Variants in WDR75 observed in about 807,000 individuals in gnomAD.
WDR75 encodes the protein WD repeat domain 75.
In WDR75, 52 loss-of-function variants were observed where a neutral mutation model predicts 106.1. The observed-to-expected ratio is 0.49, with a 90% confidence interval of 0.39 to 0.62. The LOEUF is 0.62. Ranked by LOEUF, WDR75 falls within the 20% of genes least tolerant of loss-of-function variation. The probability of loss-of-function intolerance (pLI) is 0.00; values close to 1 mark genes in which losing one functional copy is unlikely to be tolerated. For missense variants in WDR75, 905 were observed against 970.3 expected (o/e 0.93, Z 0.89); for synonymous variants, 333 against 335.5 (o/e 0.99, Z 0.08).
rs1455457033 is a variant in WDR75, at chr2:189,462,521, T to C, written c.816T>C (p.Leu272=). ...SLLSGGRESV[L]VEWRDATEKN... The stretch of plus-strand genomic sequence containing the variant: ...TGAGTGGCGGTCGTGAATCTGTACT[T>C]GTAGAGTGGCGCGATGCAACAGAGA... Residue 272 remains leucine, a synonymous_variant, in exon 9 of 21, where the codon CTT becomes CTC. Transcript: ENST00000314761. 2 of 1,614,110 alleles carry C rather than the reference T, an allele frequency of 1.2e-6. No homozygotes were observed. Among genetic ancestry groups the C allele is most frequent in the Admixed American group, 3.3e-5 (2 of 60,004 alleles).
chr2:189,470,995 A>G (rs895478543), intron 18 of WDR75, 117 bp downstream of exon 18: 33 of 662,564 alleles, frequency 5.0e-5, no homozygotes, highest in Non-Finnish European at 7.4e-5. Flanking sequence ...ATTAAAAGCC[A>G]TATACTTATA....
At chr2:189,463,267 C>A (rs539565488) in intron 9 of WDR75, among the ~76,000 whole-genome samples, 1 of 152,236 alleles carries the variant, frequency 6.6e-6, no homozygotes, top group African/African-American at 2.4e-5. Context: ...ATAGGCACAA[C>A]TGATAAAAAC....
At position 189,459,326 on chromosome 2, in the gene WDR75, T is replaced by C; in HGVS notation, c.690-10T>C. 2 of 1,598,208 alleles carry C rather than the reference T, an allele frequency of 1.3e-6. No homozygotes were observed. Among genetic ancestry groups the C allele is most frequent in the Non-Finnish European group, 1.7e-6 (2 of 1,172,686 alleles). The stretch of plus-strand genomic sequence containing the variant: ...ATGGTCAAAATAAGAGTTTTATCTT[T>C]CTCCAATAGGAGGAATTTTTATGAT... On this transcript the variant is annotated splice_polypyrimidine_tract_variant and intron_variant, in intron 7 of 20. Coordinates refer to ENST00000314761, the MANE Select transcript of WDR75 (RefSeq NM_032168.3).
rs1687179088 is a variant in WDR75 at position 189,474,752 on chromosome 2, T to C, written c.2232T>C (p.Ala744=). 1.2e-6 allele frequency: 2 copies of C among 1,614,130 alleles called. No homozygotes were observed. Among genetic ancestry groups the C allele is most frequent in the Non-Finnish European group, 1.7e-6 (2 of 1,179,982 alleles). ...CTCCAGCCCATGTCCTGCCATCTGC[T>C]GCTTTCCTGTGCTCCATGTTTGTAA... The part of the protein sequence containing the change: ...LHTPAHVLPS[A]AFLCSMFVNS... The change falls in exon 20 of 21, where the codon GCT becomes GCC. Residue 744 remains alanine (A), a synonymous_variant. Transcript: ENST00000314761.
At chr2:189,474,144 C>CT (rs772990987) in intron 18 of WDR75, 42 bp from the exon 19 acceptor site, 14 of 1,580,736 alleles carry the variant, frequency 8.9e-6, no homozygotes, top group South Asian at 7.1e-5. Flanking sequence ...ACAGTTCTTC[C>CT]TTTTTTCTGA....
intron 12 of WDR75, among the ~76,000 whole-genome samples, chr2:189,465,461 TAAAG>T (rs1686981735): frequency 6.6e-6 from 1 of 152,086 alleles, no homozygotes; most frequent in Non-Finnish European, 1.5e-5. Flanking sequence ...TCATAATGAA[TAAAG>T]AAACATGGAA....
chr2:189,464,543 C>T (rs1275208550), intron 11 of WDR75, among the ~76,000 whole-genome samples: 3 of 152,076 alleles, frequency 2.0e-5, no homozygotes, highest in Non-Finnish European at 4.4e-5. Context: ...AGTATAATGC[C>T]TGTAAATTGT....
At chr2:189,450,631 A>G (rs957311102) in intron 2 of WDR75, 16 of 1,240,010 alleles carry the variant, frequency 1.3e-5, no homozygotes, top group Admixed American at 4.5e-5. Flanking sequence ...TTCATATCTC[A>G]TTCAAAACCT....
intron 5 of WDR75, among the ~76,000 whole-genome samples, 175 bp from the exon 6 acceptor site, chr2:189,457,136 G>A: frequency 6.6e-6 from 1 of 152,012 alleles, no homozygotes; most frequent in Admixed American, 6.6e-5. Flanking sequence ...AGCTACTTGG[G>A]AGGCTGAAGC....
chr2:189,471,112 G>C (rs1687110977), intron 18 of WDR75, among the ~76,000 whole-genome samples: 1 of 151,816 alleles, frequency 6.6e-6, no homozygotes. Context: ...TTTTTACAAG[G>C]CTCTTCAGAA....
At chr2:189,458,920 C>T (rs142127175) in intron 7 of WDR75, 48 bp downstream of exon 7, 25 of 1,551,028 alleles carry the variant, frequency 1.6e-5, no homozygotes, top group Admixed American at 6.0e-5. Context: ...TACTATTTTA[C>T]GTTAGTCCTG....
At chr2:189,462,158 A>ATG (rs111365349) in intron 8 of WDR75, among the ~76,000 whole-genome samples, 3 of 151,636 alleles carry the variant, frequency 2.0e-5, no homozygotes, top group Admixed American at 6.6e-5. Flanking sequence ...ATATATATAT[A>ATG]ATATTTTTGG....
chr2:189,442,000 A>G (rs1211824059), intron 1 of WDR75, among the ~76,000 whole-genome samples: 1 of 152,224 alleles, frequency 6.6e-6, no homozygotes, highest in Admixed American at 6.5e-5. Flanking sequence ...TAGTGCATGA[A>G]GCATAGTGCA....
At chr2:189,474,037 T>G in intron 18 of WDR75, 149 bp from the exon 19 acceptor site, 1 of 783,398 alleles carries the variant, frequency 1.3e-6, no homozygotes, top group Non-Finnish European at 1.9e-6. Flanking sequence ...AGTTGCTTTC[T>G]CTGTGAAATG....
intron 1 of WDR75, among the ~76,000 whole-genome samples, 191 bp downstream of exon 1, chr2:189,441,769 C>A (rs1469071460): frequency 2.6e-5 from 4 of 152,136 alleles, no homozygotes; most frequent in Non-Finnish European, 5.9e-5. Flanking sequence ...GGGTTGCGTC[C>A]CCCGATTCCT....
intron 7 of WDR75, 74 bp from the exon 8 acceptor site, chr2:189,459,262 A>C: frequency 9.3e-7 from 1 of 1,069,540 alleles, no homozygotes; most frequent in East Asian, 2.4e-5. Context: ...TATTATGTTT[A>C]TTGTATTTGG....
chr2:189,459,232 G>C (rs377539353), intron 7 of WDR75, 104 bp from the exon 8 acceptor site: 1 of 823,886 alleles, frequency 1.2e-6, no homozygotes, highest in Non-Finnish European at 1.9e-6. Flanking sequence ...TTTATATTAT[G>C]ATTTAGTATG....
At position 189,459,392 on chromosome 2, in the gene WDR75, A is replaced by G. The variant is rs779064956; in HGVS notation, c.746A>G (p.Asp249Gly). Residue 249 changes from aspartate to glycine, a missense_variant, in exon 8 of 21, where the codon GAT (aspartate) becomes GGT (glycine). Asp to Gly is a moderately conservative substitution (Grantham distance 94). Coordinates refer to ENST00000314761, the MANE Select transcript of WDR75 (RefSeq NM_032168.3). ...YTYTCLHWHH[D>G]MVMDLAFSVT... ...TACACATGTTTACATTGGCACCATG[A>G]TATGGTTATGGATTTGGCTTTTTCA... The G allele has an allele frequency of 2.5e-6, 4 of 1,612,644 alleles. No homozygotes were observed. The East Asian group carries it at 8.9e-5, about 36-fold the overall frequency.
chr2:189,455,564 GTAAC>G, intron 5 of WDR75, 120 bp downstream of exon 5: 2 of 1,309,764 alleles, frequency 1.5e-6, no homozygotes, highest in South Asian at 3.1e-5. Flanking sequence ...ATTTGTATTA[GTAAC>G]TAAGAAGCCT....
Sources: gnomAD v4.1 joint callset for allele counts (sites outside exome capture counted in the v4.1 genomes callset) on GRCh38, gnomAD v4.1.1 for gene constraint, MANE v1.5 for transcripts, NCBI Gene and HGNC (gene_info 2026-07-23, HGNC 2026-07-21) for gene names.